PALM2AKAP2: variants seen among roughly 807,000 people sequenced by gnomAD.
PALM2AKAP2 encodes PALM2 and AKAP2 fusion.
PALM2AKAP2 carries 37 observed loss-of-function variants against 71.5 expected under a neutral mutation model. The ratio of observed to expected loss-of-function variants is 0.52; its 90% CI spans 0.40 to 0.68. PALM2AKAP2 has a LOEUF of 0.68. Among genes scored for constraint, PALM2AKAP2 ranks in the 30% least tolerant of loss-of-function variants. PALM2AKAP2 has a pLI of 0.00. For synonymous variants in PALM2AKAP2, 468 were observed against 478.8 expected (o/e 0.98, Z 0.29); for missense variants, 1,224 against 1,191.8 (o/e 1.03, Z -0.40).
At chr9:110,006,865 C>T (rs1832794470) in intron 6 of PALM2AKAP2, among the ~76,000 whole-genome samples, 1 of 152,054 alleles carries the variant, frequency 6.6e-6, no homozygotes, top group South Asian at 2.1e-4. Context: ...TTTTTTCATC[C>T]TCCAGGTGGC....
chr9:109,794,793 A>G (rs1329141478), intron 1 of PALM2AKAP2, among the ~76,000 whole-genome samples: 1 of 152,234 alleles, frequency 6.6e-6, no homozygotes, highest in Non-Finnish European at 1.5e-5. Context: ...TGGTGCCTTA[A>G]TAAATATTTT....
At chr9:110,087,427 A>G (rs919739794) in intron 1 of PALM2AKAP2, among the ~76,000 whole-genome samples, 1 of 152,160 alleles carries the variant, frequency 6.6e-6, no homozygotes, top group Middle Eastern at 3.2e-3. Context: ...AGTTGCAATC[A>G]TTTGTTCAGA....
chr9:109,695,974 C>T (rs1388997938), intron 1 of PALM2AKAP2, among the ~76,000 whole-genome samples: 1 of 151,894 alleles, frequency 6.6e-6, no homozygotes, highest in East Asian at 1.9e-4. Flanking sequence ...CTATAGTTCA[C>T]CATAATTTAT....
chr9:109,641,010 A>G, intron 1 of PALM2AKAP2: 1 of 1,246,594 alleles, frequency 8.0e-7, no homozygotes, highest in African/African-American at 1.6e-5. Context: ...GTGTTTCTAT[A>G]GCAGCCGCCG....
At chr9:110,035,842 AAT>A (rs1554741304) in intron 7 of PALM2AKAP2, among the ~76,000 whole-genome samples, 53 of 134,468 alleles carry the variant, frequency 3.9e-4, no homozygotes, top group Non-Finnish European at 5.6e-4. Flanking sequence ...TGTTATATAT[AAT>A]ATATATGATA....
At chr9:109,899,555 C>G (rs1392114898) in intron 3 of PALM2AKAP2, among the ~76,000 whole-genome samples, 1 of 147,386 alleles carries the variant, frequency 6.8e-6, no homozygotes, top group African/African-American at 2.4e-5. Flanking sequence ...AGCTTCAAAC[C>G]CTTTACCTGT....
chr9:109,838,096 A>C (rs1342748021), intron 1 of PALM2AKAP2, among the ~76,000 whole-genome samples: 1 of 152,166 alleles, frequency 6.6e-6, no homozygotes, highest in East Asian at 1.9e-4. Flanking sequence ...ACCACATCAC[A>C]CTTATTTCAA....
At chr9:109,780,940 T>C (rs1009481082) in intron 1 of PALM2AKAP2, among the ~76,000 whole-genome samples, 6 of 152,154 alleles carry the variant, frequency 3.9e-5, no homozygotes, top group Non-Finnish European at 7.3e-5. Flanking sequence ...GCTGTCCTCC[T>C]GTTAAGTGGA....
intron 1 of PALM2AKAP2, among the ~76,000 whole-genome samples, chr9:109,786,893 TTTCTATA>T (rs1826985112): frequency 6.6e-6 from 1 of 152,124 alleles, no homozygotes; most frequent in Non-Finnish European, 1.5e-5. Flanking sequence ...AGTAGAATTG[TTTCTATA>T]TTTCTTTGGG....
At chr9:109,647,128 T>A (rs1277991786) in intron 1 of PALM2AKAP2, among the ~76,000 whole-genome samples, 1 of 152,140 alleles carries the variant, frequency 6.6e-6, no homozygotes, top group Non-Finnish European at 1.5e-5. Flanking sequence ...TATATATATA[T>A]AGGTTTAAAT....
At chr9:109,650,779 C>T (rs531516201) in intron 1 of PALM2AKAP2, among the ~76,000 whole-genome samples, 7 of 152,222 alleles carry the variant, frequency 4.6e-5, no homozygotes, top group East Asian at 1.9e-4. Context: ...TTCATTTCAG[C>T]GGCTTTGAGG....
chr9:110,127,356 G>A (rs1835631348), intron 1 of PALM2AKAP2, among the ~76,000 whole-genome samples: 1 of 152,146 alleles, frequency 6.6e-6, no homozygotes, highest in South Asian at 2.1e-4. Context: ...TTGAGGTCTG[G>A]AGTCTGGCCG....
At chr9:109,867,253 C>T (rs914976446) in intron 1 of PALM2AKAP2, 4 of 451,050 alleles carry the variant, frequency 8.9e-6, no homozygotes, top group Non-Finnish European at 1.7e-5. Context: ...TAAATTCTTG[C>T]AGCCTGGCTG....
intron 1 of PALM2AKAP2, among the ~76,000 whole-genome samples, chr9:110,052,161 C>T (rs558805962): frequency 2.6e-4 from 39 of 152,290 alleles, no homozygotes; most frequent in African/African-American, 7.5e-4. Flanking sequence ...CTCGGCCTCC[C>T]AAAATGCTGG....
chr9:109,851,762 G>A (rs1829028003), intron 1 of PALM2AKAP2, among the ~76,000 whole-genome samples: 1 of 152,162 alleles, frequency 6.6e-6, no homozygotes, highest in Admixed American at 6.5e-5. Flanking sequence ...TCACTTCTAA[G>A]TGGCCTGGAC....
intron 1 of PALM2AKAP2, among the ~76,000 whole-genome samples, chr9:109,757,149 C>A (rs1410196): frequency 6.6e-6 from 1 of 152,034 alleles, no homozygotes; most frequent in Non-Finnish European, 1.5e-5. Context: ...TTCTAGTAAC[C>A]ATCATTCTAA....
chr9:109,921,619 T>C (rs1035095162), intron 3 of PALM2AKAP2, among the ~76,000 whole-genome samples: 2 of 152,218 alleles, frequency 1.3e-5, no homozygotes, highest in Non-Finnish European at 2.9e-5. Flanking sequence ...TGTGAACACC[T>C]CATGACAGGT....
In PALM2AKAP2 at chr9:109,931,989, GAACCA is replaced by G; in HGVS notation, c.458_462del (p.Glu153ValfsTer24). 6.2e-7 allele frequency: 1 copy of G among 1,614,092 alleles called. No individual in the cohort carries two copies. Among genetic ancestry groups the G allele is most frequent in the Non-Finnish European group, 8.5e-7 (1 of 1,179,952 alleles). Reference sequence around the variant, plus strand: ...GCCAATCCTCTGTTCACGAACAGCAGAACCATCACCTGGGCAGGACGGGACCAGCA... The same window carrying G: ...GCCAATCCTCTGTTCACGAACAGCAGTCACCTGGGCAGGACGGGACCAGCA... On this transcript the variant is annotated frameshift_variant, in exon 6 of 10. Coordinates refer to the PALM2AKAP2 transcript ENST00000302798. LOFTEE classifies it high-confidence loss of function.
chr9:109,810,863 A>G (rs1346550256), intron 1 of PALM2AKAP2, among the ~76,000 whole-genome samples: 1 of 152,160 alleles, frequency 6.6e-6, no homozygotes, highest in Non-Finnish European at 1.5e-5. Flanking sequence ...CTTGTGCAGG[A>G]GTGATAGCAG....
Sources: gnomAD v4.1 joint callset for allele counts (sites outside exome capture counted in the v4.1 genomes callset) on GRCh38, gnomAD v4.1.1 for gene constraint, MANE v1.5 for transcripts, NCBI Gene and HGNC (gene_info 2026-07-23, HGNC 2026-07-21) for gene names.